Variants in PTPRT observed in about 807,000 individuals in gnomAD.
PTPRT encodes the protein receptor-type tyrosine-protein phosphatase T.
Under a neutral mutation model 176.8 loss-of-function variants are expected in PTPRT, and 56 were observed. The ratio of observed to expected loss-of-function variants is 0.32; its 90% CI spans 0.26 to 0.40. The LOEUF (loss-of-function observed/expected upper bound fraction) is 0.40. Among genes scored for constraint, PTPRT ranks in the 10% least tolerant of loss-of-function variants. PTPRT has a pLI of 1.00. For synonymous variants in PTPRT, 783 were observed against 739.0 expected, an observed-to-expected ratio of 1.06 and a Z score of -0.96; for missense variants, 1,540 against 1,908.2, an observed-to-expected ratio of 0.81 and a Z score of 3.60.
chr20:42,110,638 T>TCGC, intron 22 of PTPRT, 151 bp from the exon 23 acceptor site: 1 of 728,284 alleles, frequency 1.4e-6, no homozygotes, highest in Non-Finnish European at 2.0e-6. Flanking sequence ...GATAGAGCGA[T>TCGC]TCTGTAATCA....
chr20:42,580,184 T>A (rs528208097), intron 7 of PTPRT, among the ~76,000 whole-genome samples: 1 of 152,334 alleles, frequency 6.6e-6, no homozygotes, highest in African/African-American at 2.4e-5. Flanking sequence ...TGCTTGTTTT[T>A]CTCAGGTTTG....
chr20:42,988,339 C>T (rs571197733), intron 1 of PTPRT, among the ~76,000 whole-genome samples: 51 of 152,260 alleles, frequency 3.3e-4, no homozygotes, highest in African/African-American at 1.1e-3. Flanking sequence ...TCCTCTGGTC[C>T]ATGTTGACTA....
chr20:42,084,311 T>G (rs1983651538), intron 29 of PTPRT, among the ~76,000 whole-genome samples: 1 of 152,186 alleles, frequency 6.6e-6, no homozygotes, highest in Non-Finnish European at 1.5e-5. Context: ...CCCTGCACAA[T>G]AGTGTTCCTA....
At chr20:42,496,344 T>C (rs940952389) in intron 7 of PTPRT, among the ~76,000 whole-genome samples, 2 of 152,180 alleles carry the variant, frequency 1.3e-5, no homozygotes, top group Non-Finnish European at 2.9e-5. Context: ...TTCTATGTGG[T>C]ACCAATTTTT....
chr20:42,892,187 A>G (rs1233969659), intron 1 of PTPRT, among the ~76,000 whole-genome samples: 1 of 152,244 alleles, frequency 6.6e-6, no homozygotes, highest in African/African-American at 2.4e-5. Context: ...CAGTACTAAT[A>G]GCAACACCTC....
chr20:42,600,720 G>A (rs2145788679), intron 7 of PTPRT, among the ~76,000 whole-genome samples: 1 of 152,178 alleles, frequency 6.6e-6, no homozygotes, highest in East Asian at 1.9e-4. Context: ...TTGACTTTAT[G>A]TGCCTGAGTC....
intron 7 of PTPRT, among the ~76,000 whole-genome samples, chr20:42,611,933 C>G (rs573988466): frequency 1.4e-4 from 21 of 152,304 alleles, no homozygotes; most frequent in Admixed American, 5.9e-4. Context: ...TCTCCCACAT[C>G]AGACTTCCAG....
At chr20:42,179,104 C>A (rs1338959905) in intron 16 of PTPRT, among the ~76,000 whole-genome samples, 1 of 152,262 alleles carries the variant, frequency 6.6e-6, no homozygotes, top group South Asian at 2.1e-4. Context: ...TTAAAGTTTG[C>A]CAACCACAAA....
chr20:42,549,480 T>C (rs1200324242), intron 7 of PTPRT, among the ~76,000 whole-genome samples: 1 of 151,782 alleles, frequency 6.6e-6, no homozygotes, highest in African/African-American at 2.4e-5. Context: ...GATAAGAGGG[T>C]TACTCAATAA....
rs11415242 is a variant in PTPRT at position 42,119,013 on chromosome 20, G to GAAAAAAAA, written c.2885-521_2885-514dup. 6.5e-4 allele frequency among the ~76,000 whole-genome samples: 19 copies of GAAAAAAAA among 29,220 alleles called. 3 individuals are homozygous for GAAAAAAAA. The highest frequency in any genetic ancestry group is 1.3e-3 in the East Asian group (1 of 780). 19.2% of individuals were successfully genotyped at this position (29,220 alleles called of 152,430 possible). On this transcript the variant is annotated intron_variant, in intron 20 of 30. Transcript: ENST00000373187. ...CTCTAGGGCCTCAACAGAAAGGAAGGAAAAAAAAAAAAAAAAAAAAAAAAA... is the reference window on the plus strand; with the variant it reads ...CTCTAGGGCCTCAACAGAAAGGAAGGAAAAAAAAAAAAAAAAAAAAAAAAAAAAAAAAA...
intron 2 of PTPRT, among the ~76,000 whole-genome samples, chr20:42,809,168 T>C (rs1410424323): frequency 6.6e-6 from 1 of 152,188 alleles, no homozygotes; most frequent in Non-Finnish European, 1.5e-5. Context: ...GAGATGTTGG[T>C]GCCATCATCA....
At chr20:42,446,621 T>TGTGAGAGAGA (rs1491165117) in intron 9 of PTPRT, among the ~76,000 whole-genome samples, 11 of 130,164 alleles carry the variant, frequency 8.5e-5, no homozygotes, top group African/African-American at 2.8e-4. Context: ...TGTGTGTGTG[T>TGTGAGAGAGA]GAGAGAGAGA....
At chr20:42,859,657 C>A (rs1464347167) in intron 2 of PTPRT, among the ~76,000 whole-genome samples, 1 of 148,770 alleles carries the variant, frequency 6.7e-6, no homozygotes, top group East Asian at 2.0e-4. Context: ...GATCTTGGCT[C>A]ACTGCAAGCT....
intron 3 of PTPRT, among the ~76,000 whole-genome samples, chr20:42,790,212 T>C (rs2077351967): frequency 6.9e-6 from 1 of 144,138 alleles, no homozygotes; most frequent in Non-Finnish European, 1.5e-5. Context: ...CATTTTACCT[T>C]AATAACATTG....
chr20:42,982,408 G>T lies in PTPRT; in HGVS notation c.89-96476C>A, dbSNP rs1343069030. On this transcript the variant is annotated intron_variant, in intron 1 of 30. Transcript: ENST00000373187. The stretch of plus-strand genomic sequence containing the variant: ...AAAGATTATGCAAGAAATACACACA[G>T]AGCTTGGCAGAGCGTGACTGAGCAC... Among the ~76,000 whole-genome samples the T allele has an allele frequency of 2.0e-5, 3 of 152,194 alleles. No individual in the cohort carries two copies. In the East Asian group the frequency reaches 5.8e-4, roughly 29 times the overall value.
chr20:42,178,109 T>C (rs1990369102), intron 16 of PTPRT, among the ~76,000 whole-genome samples: 1 of 152,140 alleles, frequency 6.6e-6, no homozygotes, highest in African/African-American at 2.4e-5. Context: ...GGCTAATTTT[T>C]GTATTTTTAG....
At chr20:43,015,955 A>C (rs1287168961) in intron 1 of PTPRT, among the ~76,000 whole-genome samples, 2 of 151,794 alleles carry the variant, frequency 1.3e-5, no homozygotes, top group Non-Finnish European at 2.9e-5. Context: ...AAAGAAAAAA[A>C]AAAAAAAGCC....
intron 1 of PTPRT, among the ~76,000 whole-genome samples, chr20:43,188,765 C>CG (rs2015463259): frequency 2.7e-5 from 2 of 72,924 alleles, no homozygotes; most frequent in Admixed American, 1.4e-4. Flanking sequence ...GGGGGGGGCT[C>CG]GGGGGTGGAA....
intron 17 of PTPRT, among the ~76,000 whole-genome samples, chr20:42,153,384 G>A (rs1217951713): frequency 1.3e-5 from 2 of 152,150 alleles, no homozygotes; most frequent in African/African-American, 4.8e-5. Context: ...AGAGAGGGAA[G>A]AGTCTTGCCC....
Sources: allele counts gnomAD v4.1 joint callset (sites outside exome capture counted in the v4.1 genomes callset), GRCh38; gene constraint gnomAD v4.1.1; transcripts MANE v1.5; gene names NCBI Gene and HGNC (gene_info 2026-07-23, HGNC 2026-07-21).